SSUH2: variants seen among roughly 807,000 people sequenced by gnomAD.
SSUH2 encodes the protein protein SSUH2 homolog.
SSUH2 carries 47 observed loss-of-function variants against 55.3 expected under a neutral mutation model. The observed-to-expected ratio is 0.85, with a 90% CI of 0.67 to 1.08. SSUH2 has a LOEUF of 1.08. SSUH2 is among the 50% of genes least tolerant of loss of function. SSUH2 has a pLI of 0.00. For missense variants in SSUH2, 535 were observed against 490.7 expected (o/e 1.09, Z -0.85); for synonymous variants, 212 against 191.5 (o/e 1.11, Z -0.89).
upstream of SSUH2, among the ~76,000 whole-genome samples, chr3:8,649,153 G>A (rs1702089695): frequency 6.6e-6 from 1 of 152,122 alleles, no homozygotes. Context: ...CACAGGACTT[G>A]ATCCCAAGAG....
chr3:8,640,469 C>T (rs1053562098), intron 1 of SSUH2, among the ~76,000 whole-genome samples: 1 of 152,130 alleles, frequency 6.6e-6, no homozygotes, highest in Non-Finnish European at 1.5e-5. Context: ...AGGTAAGGTC[C>T]CTACATTAGA....
intron 7 of SSUH2, among the ~76,000 whole-genome samples, chr3:8,650,259 C>G (rs1283663577): frequency 1.3e-5 from 2 of 152,182 alleles, no homozygotes; most frequent in African/African-American, 4.8e-5. Context: ...TACTTCTATC[C>G]AACACATTAA....
intron 2 of SSUH2, among the ~76,000 whole-genome samples, chr3:8,678,608 GCCCTTCTTCCCC>G (rs1705632589): frequency 2.5e-5 from 2 of 80,202 alleles, no homozygotes; most frequent in African/African-American, 9.0e-5. Flanking sequence ...CTGAGAGCCA[GCCCTTCTTCCCC>G]CCCGGCTTTT....
Position 8,627,606 on chromosome 3 carries a change from C to G in SSUH2, c.674+92G>C, listed in dbSNP as rs541706925. 61 of 1,102,178 alleles carry G rather than the reference C, an allele frequency of 5.5e-5. No individual in the cohort carries two copies. In the African/African-American group the frequency reaches 9.0e-4, roughly 16 times the overall value. The allele number at this position is 1,102,178 out of a possible 1,614,324, so 68.3% of individuals were successfully genotyped here. On this transcript the variant is annotated intron_variant, in intron 8 of 11. Transcript: ENST00000544814. ...CTCTGGGGACACAGCAGTGACGAGA[C>G]AGATGGGTTCCTGTTTGCCTTCCAG...
At chr3:8,654,507 C>T (rs1420840295) in intron 7 of SSUH2, among the ~76,000 whole-genome samples, 1 of 152,258 alleles carries the variant, frequency 6.6e-6, no homozygotes, top group African/African-American at 2.4e-5. Context: ...TACTTCCCTG[C>T]AGTTACACTG....
At chr3:8,645,049 C>A (rs1035193363), upstream of SSUH2, among the ~76,000 whole-genome samples, 2 of 152,136 alleles carry the variant, frequency 1.3e-5, no homozygotes, top group African/African-American at 4.8e-5. Flanking sequence ...TGGTATCATG[C>A]CCATTTTTCT....
In SSUH2 at chr3:8,620,409, C is replaced by T. The variant is rs893231538; in HGVS notation, c.982-395G>A. 3.3e-5 allele frequency among the ~76,000 whole-genome samples: 5 copies of T among 152,312 alleles called. No homozygotes were observed. The East Asian group carries it at 9.6e-4, about 29-fold the overall frequency. On this transcript the variant is annotated intron_variant, in intron 11 of 11. Coordinates refer to ENST00000544814, the MANE Select transcript of SSUH2 (RefSeq NM_001256748.3). ...GCCATGATTGTGAGGGCTCCCCAGC[C>T]ATGGGAACTGTGAGTCCATGAAAAC...
intron 10 of SSUH2, among the ~76,000 whole-genome samples, chr3:8,624,406 A>G (rs888261492): frequency 2.0e-5 from 3 of 152,212 alleles, no homozygotes; most frequent in African/African-American, 7.2e-5. Flanking sequence ...GTCTGAGCTG[A>G]GCCCAGGGGG....
chr3:8,672,732 G>T (rs1704736887), intron 3 of SSUH2, among the ~76,000 whole-genome samples: 1 of 152,006 alleles, frequency 6.6e-6, no homozygotes. Context: ...TAGGAACAAT[G>T]TCACAAAAGG....
chr3:8,634,932 G>A (rs1286355173), intron 3 of SSUH2, among the ~76,000 whole-genome samples: 2 of 152,300 alleles, frequency 1.3e-5, no homozygotes, highest in Non-Finnish European at 2.9e-5. Context: ...AGCCCACATA[G>A]TCTCTGTCTC....
chr3:8,647,817 G>T (rs1701900920), upstream of SSUH2, among the ~76,000 whole-genome samples: 1 of 152,222 alleles, frequency 6.6e-6, no homozygotes, highest in Non-Finnish European at 1.5e-5. Flanking sequence ...GCCCCAAAGG[G>T]CCTGGCAGCC....
intron 2 of SSUH2, chr3:8,677,550 C>T (rs1344179313): frequency 6.6e-6 from 1 of 150,870 alleles, no homozygotes; most frequent in African/African-American, 2.4e-5. Context: ...AGCCCCAGCC[C>T]TGGGGCTACC....
At chr3:8,652,942 T>G (rs1024560456) in intron 7 of SSUH2, among the ~76,000 whole-genome samples, 7 of 152,022 alleles carry the variant, frequency 4.6e-5, no homozygotes, top group African/African-American at 1.7e-4. Context: ...TCCCTGGGAG[T>G]GGGGAGGAGA....
intron 7 of SSUH2, among the ~76,000 whole-genome samples, chr3:8,657,505 G>A (rs1703053622): frequency 6.6e-6 from 1 of 152,150 alleles, no homozygotes; most frequent in Admixed American, 6.5e-5. Context: ...GGTGTTCCAT[G>A]CTCATAGACA....
At chr3:8,629,829 G>T in intron 6 of SSUH2, 103 bp from the exon 7 acceptor site, 2 of 1,084,758 alleles carry the variant, frequency 1.8e-6, no homozygotes, top group Non-Finnish European at 2.8e-6. Context: ...TCAGGACCAG[G>T]ATAGGAAGAT....
chr3:8,678,306 G>C (rs977740094), intron 2 of SSUH2, among the ~76,000 whole-genome samples: 38 of 151,968 alleles, frequency 2.5e-4, no homozygotes, highest in Admixed American at 1.5e-3. Context: ...AATATCACAG[G>C]GTGGGTGTAC....
At chr3:8,675,958 C>T (rs9851167) in intron 3 of SSUH2, among the ~76,000 whole-genome samples, 32,947 of 152,004 alleles carry the variant, frequency 0.22, 3,593 homozygotes, top group East Asian at 0.29. Context: ...AACAACTAGA[C>T]GGGGTTTCTA....
Position 8,626,136 on chromosome 3 carries a change from C to T in SSUH2, c.767+93G>A, listed in dbSNP as rs1470337062. 2.9e-6 allele frequency: 3 copies of T among 1,025,022 alleles called. No individual in the cohort carries two copies. The Admixed American group carries it at 5.3e-5, about 18-fold the overall frequency. The allele number at this position is 1,025,022 out of a possible 1,614,324, so 63.5% of individuals were successfully genotyped here. On this transcript the variant is annotated intron_variant, in intron 9 of 11. Transcript: ENST00000544814. ...TGGCAGGTTCTTGCACTGTGAAAGC[C>T]CCAACCAACCACAGTTTCTCTGCAG...
Position 8,630,819 on chromosome 3 carries a change from A to C in SSUH2, c.511T>G (p.Ser171Ala), listed in dbSNP as rs747399972. The stretch of plus-strand genomic sequence containing the variant: ...AATCGTATTACCTTGACCAGTGACG[A>C]GTGAGGGACCTGGAACTTCCTGGTG... ...EDTRKFQVPH[S>A]SLVKECHKCH... Residue 171 changes from serine to alanine, a missense_variant, in exon 6 of 12, where the codon TCG becomes GCG. By Grantham distance (99) the Ser-to-Ala change is moderately conservative (BLOSUM62 1). Coordinates refer to ENST00000544814, the MANE Select transcript of SSUH2 (RefSeq NM_001256748.3). 6.8e-7 allele frequency: 1 copy of C among 1,479,108 alleles called. No homozygotes were observed. Among genetic ancestry groups the C allele is most frequent in the East Asian group, 2.7e-5 (1 of 37,730 alleles). 91.6% of individuals were successfully genotyped at this position (1,479,108 alleles called of 1,614,324 possible).
Sources: allele counts gnomAD v4.1 joint callset (sites outside exome capture counted in the v4.1 genomes callset), GRCh38; gene constraint gnomAD v4.1.1; transcripts MANE v1.5; gene names NCBI Gene and HGNC (gene_info 2026-07-23, HGNC 2026-07-21).